The following TMEM218 variants were observed in gnomAD, a reference collection of about 807,000 sequenced individuals.
The protein encoded by TMEM218 is transmembrane protein 218.
A neutral mutation model predicts 10.0 loss-of-function variants in TMEM218; 8 were observed. The observed-to-expected ratio is 0.80, with a 90% confidence interval of 0.47 to 1.44. The LOEUF is 1.44. Ranked by LOEUF, TMEM218 falls within the 40% of genes most tolerant of loss-of-function variation. TMEM218 has a pLI of 0.00. For synonymous variants in TMEM218, 66 were observed against 63.5 expected (o/e 1.04, Z -0.18); for missense variants, 110 against 140.1 (o/e 0.79, Z 1.08).
rs536806373 is a variant in TMEM218 at position 125,103,089 on chromosome 11, A to C, written c.-152-280T>G. On this transcript the variant is annotated intron_variant, in intron 1 of 4. Coordinates refer to ENST00000682305, the MANE Select transcript of TMEM218 (RefSeq NM_001258244.2). ...CAAAGGCTCTAGGGCAGGGGTCCCC[A>C]ACCCCTGGGCCATGGACTGGTACTG... 1.4e-4 allele frequency: 25 copies of C among 179,522 alleles called. No homozygotes were observed. In the South Asian group the frequency reaches 2.7e-3, roughly 19 times the overall value. 11.1% of individuals were successfully genotyped at this position (179,522 alleles called of 1,614,324 possible).
In TMEM218 at chr11:125,110,988, A is replaced by G. The variant is rs146020515; in HGVS notation, c.-153+551T>C. On this transcript the variant is annotated intron_variant, in intron 1 of 4. Transcript: ENST00000682305. ...AAGCCTGGGGAAAAAATCAGTTGCC[A>G]AGCTCCCAAAATGCCACCGATGTAG... Among the ~76,000 whole-genome samples, 546 of 152,286 alleles carry G rather than the reference A, an allele frequency of 3.6e-3. 1 individual carries two copies. Among genetic ancestry groups the G allele is most frequent in the African/African-American group, 0.013 (520 of 41,556 alleles).
chr11:125,101,809 C>T (rs1950856852), intron 3 of TMEM218: 1 of 479,960 alleles, frequency 2.1e-6, no homozygotes, highest in Non-Finnish European at 3.6e-6. Context: ...GGGCTAGAGC[C>T]TCGGGTACTG....
chr11:125,107,898 AAG>A (rs1249950705), intron 1 of TMEM218, among the ~76,000 whole-genome samples: 1 of 151,068 alleles, frequency 6.6e-6, no homozygotes, highest in African/African-American at 2.4e-5. Context: ...AAAAAAAAAA[AAG>A]AGAGAGAGAG....
At chr11:125,107,553 T>C (rs1299043803) in intron 1 of TMEM218, among the ~76,000 whole-genome samples, 1 of 152,086 alleles carries the variant, frequency 6.6e-6, no homozygotes, top group Admixed American at 6.6e-5. Context: ...TATTATTATA[T>C]TGTTAAAAGA....
In TMEM218 at chr11:125,102,725, G is replaced by A; in HGVS notation, c.-77+9C>T. 1 of 1,287,354 alleles carries A rather than the reference G, an allele frequency of 7.8e-7. No individual in the cohort carries two copies. The highest frequency in any genetic ancestry group is 1.5e-5 in the African/African-American group (1 of 65,684). The allele number at this position is 1,287,354 out of a possible 1,614,324, so 79.7% of individuals were successfully genotyped here. Reference sequence around the variant, plus strand: ...TCAGGTTAAATCCATGGTGTGAGCTGTGACTCACCAGGCAATGGATCACAA... The same window carrying A: ...TCAGGTTAAATCCATGGTGTGAGCTATGACTCACCAGGCAATGGATCACAA... On this transcript the variant is annotated intron_variant, in intron 2 of 4. Coordinates refer to ENST00000682305, the MANE Select transcript of TMEM218 (RefSeq NM_001258244.2).
intron 1 of TMEM218, among the ~76,000 whole-genome samples, chr11:125,107,801 A>G (rs555945316): frequency 2.2e-3 from 126 of 56,702 alleles, no homozygotes; most frequent in African/African-American, 4.6e-3. Flanking sequence ...ATATGTGTGT[A>G]TATATATATA....
chr11:125,097,578 A>G lies in TMEM218; in HGVS notation c.*28T>C. The G allele has an allele frequency of 6.2e-7, 1 of 1,610,672 alleles. No homozygotes were observed. Among genetic ancestry groups the G allele is most frequent in the Non-Finnish European group, 8.5e-7 (1 of 1,177,918 alleles). Reference sequence around the variant, plus strand: ...TCAATGTCATCACAATGAAGGAGAGAACAGGTTTTCGTTTTCCTGAAGAGT... The same window carrying G: ...TCAATGTCATCACAATGAAGGAGAGGACAGGTTTTCGTTTTCCTGAAGAGT... On this transcript the variant is annotated 3_prime_UTR_variant, in exon 5 of 5. Transcript: ENST00000682305.
chr11:125,102,524 C>T, intron 2 of TMEM218: 2 of 1,436,016 alleles, frequency 1.4e-6, no homozygotes, highest in South Asian at 2.5e-5. Context: ...CCGCTCTGCG[C>T]TCAGAAGTTT....
Position 125,108,750 on chromosome 11 carries a change from T to C in TMEM218, c.-153+2789A>G, listed in dbSNP as rs143954527. 6.6e-6 allele frequency among the ~76,000 whole-genome samples: 1 copy of C among 152,280 alleles called. No individual in the cohort carries two copies. Among genetic ancestry groups the C allele is most frequent in the African/African-American group, 2.4e-5 (1 of 41,566 alleles). On this transcript the variant is annotated intron_variant, in intron 1 of 4. Coordinates refer to ENST00000682305, the MANE Select transcript of TMEM218 (RefSeq NM_001258244.2). The surrounding 1 kb of genome is among the most constrained non-coding windows in gnomAD (Gnocchi z 5.3). ...ACTGTGCCAAAAAATACATTATGTT[T>C]ATACAAAAACCGGAGTTAGGCTCTA...
At position 125,095,303 on chromosome 11, in the gene TMEM218, CA is replaced by C. The variant is rs1949502127; in HGVS notation, c.*2302del. 6.6e-6 allele frequency among the ~76,000 whole-genome samples: 1 copy of C among 152,202 alleles called. No homozygotes were observed. Among genetic ancestry groups the C allele is most frequent in the East Asian group, 1.9e-4 (1 of 5,198 alleles). The stretch of plus-strand genomic sequence containing the variant: ...GAACATGTTCTAAGGCCACTGATCA[CA>C]GAATGGTTCTGAACACTAAGATGAC... On this transcript the variant is annotated 3_prime_UTR_variant, in exon 5 of 5. Coordinates refer to ENST00000682305, the MANE Select transcript of TMEM218 (RefSeq NM_001258244.2).
At chr11:125,101,071 T>G in intron 4 of TMEM218, 130 bp downstream of exon 4, 1 of 670,978 alleles carries the variant, frequency 1.5e-6, no homozygotes, top group Non-Finnish European at 2.5e-6. Flanking sequence ...TTCCCCGTCA[T>G]TGGTTGAACT....
rs866600602 is a variant in TMEM218, at chr11:125,094,736, T to G, written c.*2870A>C. The stretch of plus-strand genomic sequence containing the variant: ...AATAGAGTTGATACTAAAGTTTCTG[T>G]TAAATAACAGAACAAAAAATGGATT... On this transcript the variant is annotated 3_prime_UTR_variant, in exon 5 of 5. Coordinates refer to ENST00000682305, the MANE Select transcript of TMEM218 (RefSeq NM_001258244.2). Among the ~76,000 whole-genome samples, 3 of 152,182 alleles carry G rather than the reference T, an allele frequency of 2.0e-5. No homozygotes were observed. Among genetic ancestry groups the G allele is most frequent in the African/African-American group, 4.8e-5 (2 of 41,448 alleles).
chr11:125,107,885 CAA>C (rs56007000), intron 1 of TMEM218, among the ~76,000 whole-genome samples: 117 of 101,584 alleles, frequency 1.2e-3, no homozygotes, highest in African/African-American at 3.0e-3. Flanking sequence ...TTATCAAAGA[CAA>C]AAAAAAAAAA....
chr11:125,102,922 T>C, intron 1 of TMEM218, 113 bp from the exon 2 acceptor site: 1 of 324,138 alleles, frequency 3.1e-6, no homozygotes, highest in South Asian at 2.8e-5. Flanking sequence ...GGTATTACTA[T>C]AGCCATGTTA....
rs917736479 is a variant in TMEM218, at chr11:125,096,095, G to T, written c.*1511C>A. ...TACCTGTGTGCCCTAGGCCAGATTA[G>T]GAAACTATTTCCTTTGAAGTTTTCT... On this transcript the variant is annotated 3_prime_UTR_variant, in exon 5 of 5. Coordinates refer to ENST00000682305, the MANE Select transcript of TMEM218 (RefSeq NM_001258244.2). Among the ~76,000 whole-genome samples the T allele has an allele frequency of 5.9e-5, 9 of 152,106 alleles. No individual in the cohort carries two copies. The highest frequency in any genetic ancestry group is 1.9e-4 in the African/African-American group (8 of 41,406).
chr11:125,106,455 A>G (rs533814156), intron 1 of TMEM218, among the ~76,000 whole-genome samples: 14 of 152,336 alleles, frequency 9.2e-5, no homozygotes, highest in Admixed American at 2.0e-4. Context: ...TACTACAATA[A>G]ATGTATAAAA....
At position 125,108,846 on chromosome 11, in the gene TMEM218, G is replaced by A. The variant is rs555069619; in HGVS notation, c.-153+2693C>T. Among the ~76,000 whole-genome samples, 5 of 152,296 alleles carry A rather than the reference G, an allele frequency of 3.3e-5. No individual in the cohort carries two copies. The highest frequency in any genetic ancestry group is 7.4e-5 in the Non-Finnish European group (5 of 68,022). ...TGCACAGGATGCAGGACAATTCTTC[G>A]TTGTGAGGACTGTCCCATACATTAC... On this transcript the variant is annotated intron_variant, in intron 1 of 4. Transcript: ENST00000682305. The surrounding 1 kb of genome is among the most constrained non-coding windows in gnomAD (Gnocchi z 5.3).
intron 1 of TMEM218, among the ~76,000 whole-genome samples, chr11:125,107,982 A>G (rs967784090): frequency 6.6e-6 from 1 of 152,088 alleles, no homozygotes; most frequent in Admixed American, 6.6e-5. Context: ...TGGTTCAATT[A>G]AAAAAATCTC....
chr11:125,110,645 A>G (rs916204217), intron 1 of TMEM218: 22 of 152,188 alleles, frequency 1.4e-4, no homozygotes, highest in African/African-American at 5.3e-4. Context: ...ATGACTTACT[A>G]TCTAAGACAA....
Sources: gnomAD v4.1 joint callset for allele counts (sites outside exome capture counted in the v4.1 genomes callset) on GRCh38, gnomAD v4.1.1 for gene constraint, Gnocchi (gnomAD v3.1) non-coding constraint, MANE v1.5 for transcripts, NCBI Gene and HGNC (gene_info 2026-07-23, HGNC 2026-07-21) for gene names.